FSTL4: variants seen among roughly 807,000 people sequenced by gnomAD.
The protein encoded by FSTL4 is follistatin like 4.
Under a neutral mutation model 78.2 loss-of-function variants are expected in FSTL4, and 28 were observed. That is an observed-to-expected ratio of 0.36 (90% confidence interval 0.27 to 0.49). The LOEUF is 0.49. Among genes scored for constraint, FSTL4 ranks in the 20% least tolerant of loss-of-function variants. The probability of loss-of-function intolerance (pLI) is 0.98; values close to 1 mark genes in which losing one functional copy is unlikely to be tolerated. For synonymous variants in FSTL4, 422 were observed against 440.5 expected (o/e 0.96, Z 0.53); for missense variants, 922 against 1,084.9 (o/e 0.85, Z 2.11).
chr5:133,709,933 C>T, the FSTL4 span, among the ~76,000 whole-genome samples: 18 of 152,182 alleles, frequency 1.2e-4, no homozygotes, highest in Non-Finnish European at 2.4e-4. Context: ...TCCCTGGGCA[C>T]GCTGGGCAAG....
chr5:133,665,472 A>G, the FSTL4 span, among the ~76,000 whole-genome samples: 1 of 152,154 alleles, frequency 6.6e-6, no homozygotes, highest in Non-Finnish European at 1.5e-5. Flanking sequence ...CAAGAGTAAC[A>G]CAGAAGTAAG....
chr5:133,739,121 T>G, the FSTL4 span, among the ~76,000 whole-genome samples: 1 of 151,970 alleles, frequency 6.6e-6, no homozygotes, highest in Non-Finnish European at 1.5e-5. Flanking sequence ...CACCTATGAT[T>G]TTTTTTACTG....
At chr5:133,461,226 G>T (rs1428550706) in intron 3 of FSTL4, among the ~76,000 whole-genome samples, 1 of 152,084 alleles carries the variant, frequency 6.6e-6, no homozygotes, top group Non-Finnish European at 1.5e-5. Flanking sequence ...AATCTAAAGG[G>T]ACAATACCCT....
chr5:133,514,008 C>T (rs1758795864), intron 3 of FSTL4, among the ~76,000 whole-genome samples: 2 of 151,938 alleles, frequency 1.3e-5, no homozygotes, highest in South Asian at 4.2e-4. Flanking sequence ...GAAACCCCGT[C>T]TCTACTAAAA....
intron 3 of FSTL4, among the ~76,000 whole-genome samples, chr5:133,485,347 C>T (rs1435660386): frequency 6.6e-6 from 1 of 152,170 alleles, no homozygotes; most frequent in African/African-American, 2.4e-5. Flanking sequence ...CAGGAGGGAA[C>T]CCTTTATGGG....
the FSTL4 span, among the ~76,000 whole-genome samples, chr5:133,713,770 G>T: frequency 6.6e-6 from 1 of 152,320 alleles, no homozygotes; most frequent in South Asian, 2.1e-4. Context: ...TTGGAGAAGA[G>T]AAACAACCAG....
At chr5:133,621,260 C>T in the FSTL4 span, among the ~76,000 whole-genome samples, 211 of 152,132 alleles carry the variant, frequency 1.4e-3, 3 homozygotes, top group Middle Eastern at 0.034. Flanking sequence ...ATGAGCTGGG[C>T]GTGTTGGCAT....
chr5:133,544,431 T>C lies in FSTL4; in HGVS notation c.160+22755A>G, dbSNP rs935487623. On this transcript the variant is annotated intron_variant, in intron 3 of 15. Coordinates refer to ENST00000265342, the MANE Select transcript of FSTL4 (RefSeq NM_015082.2). ...ACTTATGGTTCTGGCTTCAATAAAA[T>C]AGCTGTTGTTTGACTTAAAAATCAC... Among the ~76,000 whole-genome samples the C allele has an allele frequency of 3.9e-5, 6 of 152,234 alleles. No individual in the cohort carries two copies. In the East Asian group the frequency reaches 1.2e-3, roughly 29 times the overall value.
chr5:133,452,478 A>T (rs1263562190), intron 3 of FSTL4, among the ~76,000 whole-genome samples: 1 of 152,242 alleles, frequency 6.6e-6, no homozygotes, highest in East Asian at 1.9e-4. Flanking sequence ...GGCACTTCTC[A>T]TTTAAATGGA....
upstream of FSTL4, among the ~76,000 whole-genome samples, chr5:133,614,972 T>G (rs1192240878): frequency 6.6e-6 from 1 of 151,884 alleles, no homozygotes; most frequent in East Asian, 1.9e-4. Context: ...TTTTTTCTAT[T>G]TCTAATCCTT....
At chr5:133,671,908 A>G in the FSTL4 span, among the ~76,000 whole-genome samples, 721 of 152,352 alleles carry the variant, frequency 4.7e-3, 1 homozygote, top group Non-Finnish European at 6.2e-3. Context: ...CGTAAAGTAC[A>G]TTGATTTCTT....
the FSTL4 span, among the ~76,000 whole-genome samples, chr5:133,794,266 ACCACTGTGTGTTTGC>A: frequency 6.6e-6 from 1 of 152,242 alleles, no homozygotes; most frequent in Non-Finnish European, 1.5e-5. Flanking sequence ...CCAGGGGGCC[ACCACTGTGTGTTTGC>A]CCACAGCAGA....
chr5:133,215,379 A>C (rs1213838189), intron 13 of FSTL4, among the ~76,000 whole-genome samples: 1 of 152,182 alleles, frequency 6.6e-6, no homozygotes, highest in Non-Finnish European at 1.5e-5. Context: ...CGATACCCAA[A>C]TCGATATCTC....
At chr5:133,636,088 A>C in the FSTL4 span, among the ~76,000 whole-genome samples, 1 of 152,192 alleles carries the variant, frequency 6.6e-6, no homozygotes, top group Non-Finnish European at 1.5e-5. Flanking sequence ...ATGTATGTTG[A>C]ATGAAAGAAT....
At chr5:133,628,409 G>A in the FSTL4 span, among the ~76,000 whole-genome samples, 1 of 150,806 alleles carries the variant, frequency 6.6e-6, no homozygotes, top group Non-Finnish European at 1.5e-5. Context: ...GCCCAGGCTG[G>A]AGTGCAATGG....
chr5:133,571,531 G>A (rs1760154685), intron 2 of FSTL4, among the ~76,000 whole-genome samples: 1 of 152,064 alleles, frequency 6.6e-6, no homozygotes, highest in African/African-American at 2.4e-5. Flanking sequence ...TAGGAAAATA[G>A]GAGAAAAGAT....
the FSTL4 span, among the ~76,000 whole-genome samples, chr5:133,716,138 C>A: frequency 6.6e-6 from 1 of 152,128 alleles, no homozygotes; most frequent in East Asian, 1.9e-4. Context: ...ATGGAAGAAT[C>A]GTTGGAAGAA....
At chr5:133,675,727 C>T in the FSTL4 span, among the ~76,000 whole-genome samples, 5 of 152,280 alleles carry the variant, frequency 3.3e-5, no homozygotes, top group African/African-American at 1.2e-4. Context: ...GTCCTTGTGA[C>T]CACCCTAAAT....
At chr5:133,555,773 C>G (rs937641558) in intron 3 of FSTL4, among the ~76,000 whole-genome samples, 7 of 152,128 alleles carry the variant, frequency 4.6e-5, no homozygotes, top group South Asian at 2.1e-4. Context: ...CCCCTCTGAG[C>G]CACAGGACTC....
Sources: gnomAD v4.1 joint callset for allele counts (sites outside exome capture counted in the v4.1 genomes callset) on GRCh38, gnomAD v4.1.1 for gene constraint, MANE v1.5 for transcripts, NCBI Gene and HGNC (gene_info 2026-07-23, HGNC 2026-07-21) for gene names.